The following CIZ1 variants were observed in gnomAD, a reference collection of about 807,000 sequenced individuals.
CIZ1 encodes CDKN1A interacting zinc finger protein 1.
In CIZ1, 58 loss-of-function variants were observed where a neutral mutation model predicts 118.6. That is an observed-to-expected ratio of 0.49 (90% CI 0.40 to 0.61). CIZ1 has a LOEUF of 0.61. Ranked by LOEUF, CIZ1 falls within the 20% of genes least tolerant of loss-of-function variation. The pLI is 0.00. For missense variants in CIZ1, 921 were observed against 1,115.9 expected (o/e 0.83, Z 2.49); for synonymous variants, 448 against 443.4 (o/e 1.01, Z -0.13).
rs910782112 is a variant in CIZ1 at position 128,179,396 on chromosome 9, T to C, written c.811A>G (p.Lys271Glu). Residue 271 changes from lysine (K) to glutamate (E), a missense_variant, in exon 8 of 17, where the codon AAG becomes GAG. Coordinates refer to ENST00000372938, the MANE Select transcript of CIZ1 (RefSeq NM_001131016.2). Reference sequence around the variant, plus strand: ...ACCTGTAACTGCCCTGGAGGTTCCTTCTCTGTGGGCTCTTCTGAGCTAGGA... The same window carrying C: ...ACCTGTAACTGCCCTGGAGGTTCCTCCTCTGTGGGCTCTTCTGAGCTAGGA... ...RLRSSEEPTE[K>E]EPPGQLQVKA... 1 of 1,604,204 alleles carries C rather than the reference T, an allele frequency of 6.2e-7. No homozygotes were observed. The highest frequency in any genetic ancestry group is 1.3e-5 in the African/African-American group (1 of 74,338).
Position 128,167,078 on chromosome 9 carries a change from C to T in CIZ1, c.2365+17G>A. 1 of 1,590,504 alleles carries T rather than the reference C, an allele frequency of 6.3e-7. No homozygotes were observed. The highest frequency in any genetic ancestry group is 8.6e-7 in the Non-Finnish European group (1 of 1,167,434). On this transcript the variant is annotated intron_variant, in intron 15 of 16. Transcript: ENST00000372938. ...GGGCTGAAGCTCCTGCAGGTGGGCT[C>T]AGAGCTGGGGCCTTACCATATGCAG...
At chr9:128,169,606 C>T (rs1043696481) in intron 12 of CIZ1, 87 bp from the exon 13 acceptor site, 44 of 1,573,120 alleles carry the variant, frequency 2.8e-5, no homozygotes, top group Non-Finnish European at 3.8e-5. Flanking sequence ...GAGCTCACCT[C>T]CCCCGGGCAG....
chr9:128,167,387 C>T lies in CIZ1; in HGVS notation c.2296-223G>A, dbSNP rs969436561. On this transcript the variant is annotated intron_variant, in intron 14 of 16. Coordinates refer to ENST00000372938, the MANE Select transcript of CIZ1 (RefSeq NM_001131016.2). Reference sequence around the variant, plus strand: ...TAGACTCTGTTCAACTAGCCCCCTCCTCCAGGAAGCCCTCCTGCTCCTACA... The same window carrying T: ...TAGACTCTGTTCAACTAGCCCCCTCTTCCAGGAAGCCCTCCTGCTCCTACA... The T allele has an allele frequency of 7.5e-6, 4 of 534,434 alleles. No individual in the cohort carries two copies. The Admixed American group carries it at 1.1e-4, about 15-fold the overall frequency. 33.1% of individuals were successfully genotyped at this position (534,434 alleles called of 1,614,324 possible).
At position 128,191,488 on chromosome 9, in the gene CIZ1, G is replaced by T. The variant is rs1001692845; in HGVS notation, c.-62C>A. Reference sequence around the variant, plus strand: ...TCGCCCCCACGGATGGGCCGGCCCCGCAGCCCCCACGCCTCGGCCGGGCGG... The same window carrying T: ...TCGCCCCCACGGATGGGCCGGCCCCTCAGCCCCCACGCCTCGGCCGGGCGG... On this transcript the variant is annotated 5_prime_UTR_variant, in exon 1 of 17. Coordinates refer to ENST00000372938, the MANE Select transcript of CIZ1 (RefSeq NM_001131016.2). The surrounding 1 kb of genome is among the most constrained non-coding windows in gnomAD (Gnocchi z 5.5). 3 of 993,050 alleles carry T rather than the reference G, an allele frequency of 3.0e-6. No individual in the cohort carries two copies. The highest frequency in any genetic ancestry group is 3.6e-6 in the Non-Finnish European group (3 of 833,806). The allele number at this position is 993,050 out of a possible 1,614,324, so 61.5% of individuals were successfully genotyped here.
In CIZ1 at chr9:128,203,481, G is replaced by A. The variant is rs1833612913; in HGVS notation, c.-6+705C>T. The A allele has an allele frequency of 2.6e-6, 4 of 1,511,856 alleles. No individual in the cohort carries two copies. The highest frequency in any genetic ancestry group is 5.7e-5 in the East Asian group (2 of 35,210). 93.7% of individuals were successfully genotyped at this position (1,511,856 alleles called of 1,614,324 possible). On this transcript the variant is annotated intron_variant, in intron 1 of 17. Transcript: ENST00000372948. The surrounding 1 kb of genome is among the most constrained non-coding windows in gnomAD (Gnocchi z 5.3). ...GGGCCCGCCGCAGCCATGGGCAACC[G>A]CGGCATGGAAGATCTCATCCCGCTG...
Position 128,166,442 on chromosome 9 carries a change from C to T in CIZ1, c.2488-36G>A. 6.9e-7 allele frequency: 1 copy of T among 1,447,018 alleles called. No homozygotes were observed. Among genetic ancestry groups the T allele is most frequent in the Non-Finnish European group, 9.3e-7 (1 of 1,071,890 alleles). The allele number at this position is 1,447,018 out of a possible 1,614,324, so 89.6% of individuals were successfully genotyped here. Reference sequence around the variant, plus strand: ...AAGGTGCAGGTAAGGTCAGGGTCTCCTCCCTACATGGTATGCTCCTGGCCA... The same window carrying T: ...AAGGTGCAGGTAAGGTCAGGGTCTCTTCCCTACATGGTATGCTCCTGGCCA... On this transcript the variant is annotated intron_variant, in intron 16 of 16. Coordinates refer to ENST00000372938, the MANE Select transcript of CIZ1 (RefSeq NM_001131016.2). The surrounding 1 kb of genome is among the most constrained non-coding windows in gnomAD (Gnocchi z 4.4).
chr9:128,172,304 C>T (rs1225860132), intron 11 of CIZ1, among the ~76,000 whole-genome samples: 1 of 152,066 alleles, frequency 6.6e-6, no homozygotes, highest in Admixed American at 6.5e-5. Flanking sequence ...CCAGTCTGGC[C>T]AACATGGTGA....
chr9:128,171,121 A>C (rs531430873), intron 11 of CIZ1, among the ~76,000 whole-genome samples: 14 of 152,072 alleles, frequency 9.2e-5, no homozygotes, highest in Admixed American at 3.3e-4. Flanking sequence ...ACGCTGTCTC[A>C]AAAATAAATA....
chr9:128,176,541 C>A (rs1313529647), intron 10 of CIZ1, 66 bp from the exon 11 acceptor site: 6 of 1,527,090 alleles, frequency 3.9e-6, no homozygotes, highest in East Asian at 2.3e-5. Context: ...AAGGCTGGGG[C>A]CTGGGGAGGC....
At position 128,166,914 on chromosome 9, in the gene CIZ1, T is replaced by C; in HGVS notation, c.2366-34A>G. On this transcript the variant is annotated intron_variant, in intron 15 of 16. Transcript: ENST00000372938. This position sits in a 1 kb window ranked among gnomAD's most constrained non-coding sequence, Gnocchi z 4.4. ...TGGGATGGCAGGGTCTGCACTCACA[T>C]CCCTGTACCAGCGAGGTGTCCCTCC... 1 of 1,613,978 alleles carries C rather than the reference T, an allele frequency of 6.2e-7. No homozygotes were observed. The highest frequency in any genetic ancestry group is 8.5e-7 in the Non-Finnish European group (1 of 1,179,908).
chr9:128,204,124 A>T (rs888837196), intron 1 of CIZ1: 11 of 152,678 alleles, frequency 7.2e-5, no homozygotes, highest in African/African-American at 2.7e-4. Flanking sequence ...CAGTCCCTAG[A>T]AGAGGACGTA....
At chr9:128,191,826 G>T, upstream of CIZ1, 1 of 1,461,498 alleles carries the variant, frequency 6.8e-7, no homozygotes, top group Non-Finnish European at 9.0e-7. The surrounding 1 kb of genome is among the most constrained non-coding windows in gnomAD (Gnocchi z 5.5). Context: ...GGGGCATCGA[G>T]GGGGACTTCC....
chr9:128,167,847 C>T (rs1829622323), intron 14 of CIZ1, among the ~76,000 whole-genome samples: 2 of 152,222 alleles, frequency 1.3e-5, no homozygotes, highest in Admixed American at 1.3e-4. Flanking sequence ...TTGCTAAGCC[C>T]TTCCTAGGAC....
intron 1 of CIZ1, among the ~76,000 whole-genome samples, chr9:128,199,508 C>G (rs1564311195): frequency 6.6e-6 from 1 of 152,002 alleles, no homozygotes; most frequent in South Asian, 2.1e-4. Context: ...CAAAACCAAC[C>G]TGGGCAACAA....
intron 7 of CIZ1, among the ~76,000 whole-genome samples, chr9:128,180,173 C>T (rs962167237): frequency 1.3e-5 from 2 of 152,190 alleles, no homozygotes; most frequent in Non-Finnish European, 2.9e-5. Context: ...ACCCCTCCCA[C>T]GCAGCCATCC....
chr9:128,169,334 A>G (rs563077620), intron 13 of CIZ1, 72 bp downstream of exon 13: 1 of 1,452,312 alleles, frequency 6.9e-7, no homozygotes. Context: ...GATAAACCTC[A>G]ACTTGCTACA....
chr9:128,200,486 C>T (rs1173522225), intron 1 of CIZ1, among the ~76,000 whole-genome samples: 2 of 151,392 alleles, frequency 1.3e-5, no homozygotes, highest in African/African-American at 4.9e-5. Context: ...GATGAAACCC[C>T]GTCTCTACTA....
At chr9:128,183,359 T>TA (rs982076444) in intron 5 of CIZ1, among the ~76,000 whole-genome samples, 2 of 151,768 alleles carry the variant, frequency 1.3e-5, no homozygotes, top group African/African-American at 4.8e-5. Flanking sequence ...TTTCCATACG[T>TA]AAAAAAATGA....
At chr9:128,190,582 G>T in intron 2 of CIZ1, 106 bp downstream of exon 2, 1 of 1,430,408 alleles carries the variant, frequency 7.0e-7, no homozygotes, top group Non-Finnish European at 9.5e-7. Flanking sequence ...GTGATCTCCA[G>T]GACTCAAACG....
Sources: gnomAD v4.1 joint callset for allele counts (sites outside exome capture counted in the v4.1 genomes callset) on GRCh38, gnomAD v4.1.1 for gene constraint, Gnocchi (gnomAD v3.1) non-coding constraint, MANE v1.5 for transcripts, NCBI Gene and HGNC (gene_info 2026-07-23, HGNC 2026-07-21) for gene names.